ATF2: variants seen among roughly 807,000 people sequenced by gnomAD.
The protein encoded by ATF2 is cyclic AMP-dependent transcription factor ATF-2.
A neutral mutation model predicts 60.6 loss-of-function variants in ATF2; 24 were observed. The ratio of observed to expected loss-of-function variants is 0.40; its 90% confidence interval spans 0.29 to 0.56. ATF2 has a LOEUF of 0.56. Among genes scored for constraint, ATF2 ranks in the 20% least tolerant of loss-of-function variants. ATF2 has a pLI of 0.54. For missense variants in ATF2, 433 were observed against 607.7 expected (o/e 0.71, Z 3.02); for synonymous variants, 206 against 215.4 (o/e 0.96, Z 0.38).
chr2:175,123,620 G>C (rs1473447244), intron 4 of ATF2, among the ~76,000 whole-genome samples: 1 of 151,978 alleles, frequency 6.6e-6, no homozygotes, highest in Non-Finnish European at 1.5e-5. Flanking sequence ...ATGGCACCAA[G>C]TTCAATCCTA....
At position 175,156,840 on chromosome 2, in the gene ATF2, AT is replaced by A. The variant is rs1447668484; in HGVS notation, c.-142-5683del. ...TAAAACTGTGAGACAATAAATCTTT[AT>A]TGTTTTAAGATGTTAAGTAGGTGGT... On this transcript the variant is annotated intron_variant, in intron 1 of 13. Coordinates refer to ENST00000264110, the MANE Select transcript of ATF2 (RefSeq NM_001880.4). Among the ~76,000 whole-genome samples, 16 of 152,316 alleles carry A rather than the reference AT, an allele frequency of 1.1e-4. 3 individuals carry two copies. Among genetic ancestry groups the A allele is most frequent in the African/African-American group, 3.8e-4 (16 of 41,562 alleles).
intron 12 of ATF2, among the ~76,000 whole-genome samples, chr2:175,081,279 C>T (rs977712717): frequency 6.6e-6 from 1 of 152,156 alleles, no homozygotes; most frequent in Non-Finnish European, 1.5e-5. Context: ...CACTGCAAGG[C>T]ACTCTTGCTG....
At chr2:175,129,378 C>T (rs554595459) in intron 4 of ATF2, among the ~76,000 whole-genome samples, 2 of 152,056 alleles carry the variant, frequency 1.3e-5, no homozygotes, top group Admixed American at 1.3e-4. Context: ...CCTGATTGTG[C>T]TGATGGTTTT....
intron 1 of ATF2, among the ~76,000 whole-genome samples, chr2:175,159,229 G>C (rs1699869657): frequency 6.6e-6 from 1 of 151,816 alleles, no homozygotes; most frequent in Non-Finnish European, 1.5e-5. Flanking sequence ...TGAGGCATGA[G>C]AACTGCTTGA....
chr2:175,124,254 A>T (rs1574425905), intron 4 of ATF2, among the ~76,000 whole-genome samples: 1 of 149,722 alleles, frequency 6.7e-6, no homozygotes, highest in African/African-American at 2.5e-5. Context: ...GACCTTGAGT[A>T]TATAGCTCAA....
rs1696196082 is a variant in ATF2 at position 175,111,605 on chromosome 2, G to A, written c.791C>T (p.Pro264Leu). ...TGACTGTACTGGTTGGGGAGAGGAA[G>A]GACCTGGGATTCCTGGAACACTAGG... ...MVPSVPGIPG[P>L]SSPQPVQSEA... The change falls in exon 10 of 14, where the codon CCT becomes CTT. Residue 264 changes from proline (P) to leucine (L), a missense_variant. Physicochemically the swap from Pro to Leu is moderately conservative, Grantham distance 98. This residue lies in a region of ATF2 where 246 missense variants were observed against 309.3 expected (regional missense o/e 0.80). Coordinates refer to ENST00000264110, the MANE Select transcript of ATF2 (RefSeq NM_001880.4). 2 of 1,613,686 alleles carry A rather than the reference G, an allele frequency of 1.2e-6. No individual in the cohort carries two copies. The highest frequency in any genetic ancestry group is 1.7e-5 in the Admixed American group (1 of 59,978).
At chr2:175,161,997 G>A (rs554303526) in intron 1 of ATF2, among the ~76,000 whole-genome samples, 2 of 152,282 alleles carry the variant, frequency 1.3e-5, no homozygotes, top group East Asian at 3.9e-4. Context: ...CTGACCTCAG[G>A]TGATCCACCT....
At chr2:175,148,207 T>A (rs1699081507) in intron 2 of ATF2, among the ~76,000 whole-genome samples, 1 of 152,154 alleles carries the variant, frequency 6.6e-6, no homozygotes, top group South Asian at 2.1e-4. Context: ...TCCAGTACCA[T>A]TAGTATGAGT....
chr2:175,109,788 C>T (rs1004012350), intron 10 of ATF2, among the ~76,000 whole-genome samples: 1 of 151,994 alleles, frequency 6.6e-6, no homozygotes, highest in Non-Finnish European at 1.5e-5. Context: ...CAAAAAATGC[C>T]CCTGGTGAAG....
At chr2:175,150,455 A>G (rs571225577) in intron 2 of ATF2, among the ~76,000 whole-genome samples, 1 of 152,272 alleles carries the variant, frequency 6.6e-6, no homozygotes, top group South Asian at 2.1e-4. Flanking sequence ...GAGATTAGAA[A>G]AAAAAATTTT....
At chr2:175,141,963 C>A (rs1161588216) in intron 2 of ATF2, among the ~76,000 whole-genome samples, 2 of 151,708 alleles carry the variant, frequency 1.3e-5, no homozygotes, top group African/African-American at 4.8e-5. Context: ...AACAATTGCT[C>A]CCAAGATTAG....
chr2:175,133,454 C>A (rs1354044347), intron 3 of ATF2, among the ~76,000 whole-genome samples: 3 of 152,132 alleles, frequency 2.0e-5, no homozygotes, highest in Non-Finnish European at 4.4e-5. Flanking sequence ...CTTGACTCAA[C>A]TAATAATAAT....
intron 10 of ATF2, among the ~76,000 whole-genome samples, chr2:175,098,937 T>C (rs1235462272): frequency 9.2e-5 from 14 of 152,206 alleles, no homozygotes; most frequent in Non-Finnish European, 1.6e-4. Flanking sequence ...GCAGTAATTA[T>C]GCGTGAACAA....
At chr2:175,123,223 A>C (rs1286811576) in intron 4 of ATF2, among the ~76,000 whole-genome samples, 2 of 152,100 alleles carry the variant, frequency 1.3e-5, no homozygotes, top group Non-Finnish European at 2.9e-5. Flanking sequence ...TGAATAACAA[A>C]GTTCTCAGAA....
In ATF2 at chr2:175,114,866, T is replaced by C; in HGVS notation, c.450A>G (p.Glu150=). 6.2e-7 allele frequency: 1 copy of C among 1,610,356 alleles called. No homozygotes were observed. Residue 150 remains glutamate (E), a splice_region_variant and synonymous_variant, in exon 8 of 14, where the codon GAA becomes GAG. Transcript: ENST00000264110. The stretch of plus-strand genomic sequence containing the variant: ...GCTGTGCAGTTTGTGCCAATGGTAC[T>C]TCCTATTTAACAATGAGATAAAAAA... ...HPESTTSDEK[E]VPLAQTAQPT...
At chr2:175,138,950 C>T (rs1054262492) in intron 2 of ATF2, among the ~76,000 whole-genome samples, 3 of 152,166 alleles carry the variant, frequency 2.0e-5, no homozygotes, top group East Asian at 1.9e-4. Context: ...TTTTGTCACT[C>T]GTAAGTTATA....
At chr2:175,165,239 T>G (rs1434294051) in intron 1 of ATF2, among the ~76,000 whole-genome samples, 1 of 152,238 alleles carries the variant, frequency 6.6e-6, no homozygotes, top group East Asian at 1.9e-4. Flanking sequence ...CACTGAATTT[T>G]TAACGAGAGG....
At chr2:175,117,783 G>A (rs1374430263) in intron 7 of ATF2, among the ~76,000 whole-genome samples, 3 of 151,854 alleles carry the variant, frequency 2.0e-5, no homozygotes, top group African/African-American at 7.2e-5. Flanking sequence ...TATGTAACAT[G>A]ACTGTTCTCC....
intron 5 of ATF2, among the ~76,000 whole-genome samples, chr2:175,119,417 T>C (rs1696798394): frequency 6.6e-6 from 1 of 151,598 alleles, no homozygotes; most frequent in African/African-American, 2.4e-5. Context: ...TACATATTTG[T>C]TAACCATTAT....
Sources: allele counts gnomAD v4.1 joint callset (sites outside exome capture counted in the v4.1 genomes callset), GRCh38; gene constraint gnomAD v4.1.1; regional missense constraint gnomAD v4.1.1; transcripts MANE v1.5; gene names NCBI Gene and HGNC (gene_info 2026-07-23, HGNC 2026-07-21).